The following KLF7 variants were observed in gnomAD, a reference collection of about 807,000 sequenced individuals.
KLF7 encodes Krueppel-like factor 7.
KLF7 carries 2 observed loss-of-function variants against 27.3 expected under a neutral mutation model. That is an observed-to-expected ratio of 0.07 (90% CI 0.03 to 0.23). KLF7 has a LOEUF of 0.23. Among genes scored for constraint, KLF7 ranks in the 10% least tolerant of loss-of-function variants. The pLI, the probability that KLF7 is intolerant of heterozygous loss-of-function variation, is 1.00. For synonymous variants in KLF7, 165 were observed against 162.4 expected (o/e 1.02, Z -0.12); for missense variants, 221 against 394.1 (o/e 0.56, Z 3.72).
chr2:207,147,649 G>A (rs1343071898), intron 1 of KLF7, among the ~76,000 whole-genome samples: 2 of 152,088 alleles, frequency 1.3e-5, no homozygotes, highest in African/African-American at 4.8e-5. Flanking sequence ...GCCCCATAAA[G>A]GTTTCACCCC....
At position 207,075,651 on chromosome 2, in the gene KLF7, A is replaced by G. The variant is rs1185814418; in HGVS notation, c.*5562T>C. ...GGCTGGGAAGTTGTGTGGGAGTAGG[A>G]AGTGGGAGAAGGAGCTTGACGCGGG... is the stretch of plus-strand genomic sequence containing the variant. On this transcript the variant is annotated 3_prime_UTR_variant, in exon 4 of 4. Transcript: ENST00000309446. The G allele has an allele frequency of 6.6e-6, 1 of 152,056 alleles. No homozygotes were observed. The highest frequency in any genetic ancestry group is 6.6e-5 in the Admixed American group (1 of 15,262). 9.4% of individuals were successfully genotyped at this position (152,056 alleles called of 1,614,324 possible).
chr2:207,163,806 GA>G (rs2078618153), intron 1 of KLF7, among the ~76,000 whole-genome samples: 1 of 152,208 alleles, frequency 6.6e-6, no homozygotes, highest in Non-Finnish European at 1.5e-5. Context: ...CCAGTGGGCT[GA>G]CAGTGTGAAA....
intron 1 of KLF7, among the ~76,000 whole-genome samples, chr2:207,164,659 G>A (rs2078649113): frequency 6.6e-6 from 1 of 152,188 alleles, no homozygotes; most frequent in African/African-American, 2.4e-5. Context: ...GTGCCCTTCA[G>A]CATCCTGGGA....
At chr2:207,095,308 A>T (rs1024586417) in intron 2 of KLF7, among the ~76,000 whole-genome samples, 5 of 152,108 alleles carry the variant, frequency 3.3e-5, no homozygotes. Context: ...TCGGCCTCCC[A>T]AAGTGCTGGG....
intron 1 of KLF7, among the ~76,000 whole-genome samples, chr2:207,139,489 G>A (rs964072473): frequency 1.5e-5 from 2 of 136,648 alleles, no homozygotes; most frequent in African/African-American, 5.7e-5. Context: ...CTAACAATTA[G>A]GTTTTTTTTT....
rs1382565593 is a variant in KLF7 at position 207,078,188 on chromosome 2, T to C, written c.*3025A>G. The C allele has an allele frequency of 6.6e-6, 1 of 152,202 alleles. No individual in the cohort carries two copies. The highest frequency in any genetic ancestry group is 1.5e-5 in the Non-Finnish European group (1 of 68,052). The allele number at this position is 152,202 out of a possible 1,614,324, so 9.4% of individuals were successfully genotyped here. A position where few individuals can be genotyped will look rare whatever the true frequency, so the allele number is the denominator to read the frequency against. On this transcript the variant is annotated 3_prime_UTR_variant, in exon 4 of 4. Transcript: ENST00000309446. Reference sequence around the variant, plus strand: ...GTCAACTCGGCTAAAGAAGAACAGTTTCAAAGCCATCCACTTAGCACCCAC... The same window carrying C: ...GTCAACTCGGCTAAAGAAGAACAGTCTCAAAGCCATCCACTTAGCACCCAC...
At chr2:207,084,608 C>T (rs1397078569) in intron 3 of KLF7, among the ~76,000 whole-genome samples, 1 of 152,036 alleles carries the variant, frequency 6.6e-6, no homozygotes, top group Non-Finnish European at 1.5e-5. Context: ...AAATTCAATA[C>T]CCCAGCAAGG....
chr2:207,100,539 A>G (rs3791988), intron 2 of KLF7, among the ~76,000 whole-genome samples: 28,282 of 151,930 alleles, frequency 0.19, 3,103 homozygotes, highest in East Asian at 0.32. Flanking sequence ...TTTCTACCTT[A>G]TCACCCATCA....
At chr2:207,082,676 T>C (rs558835087) in intron 3 of KLF7, among the ~76,000 whole-genome samples, 1 of 152,282 alleles carries the variant, frequency 6.6e-6, no homozygotes, top group South Asian at 2.1e-4. Context: ...CGCCTGAAAC[T>C]AGCTGCTTTC....
intron 2 of KLF7, among the ~76,000 whole-genome samples, chr2:207,097,943 G>A (rs1574443599): frequency 6.6e-6 from 1 of 151,964 alleles, no homozygotes; most frequent in Admixed American, 6.6e-5. Flanking sequence ...CCACCACCCC[G>A]ACACAAGGCA....
rs369207837 is a variant in KLF7 at position 207,123,646 on chromosome 2, C to G, written c.733+128G>C. On this transcript the variant is annotated intron_variant, in intron 2 of 3. Coordinates refer to ENST00000309446, the MANE Select transcript of KLF7 (RefSeq NM_003709.4). ...AGTCATTCTTTGTCCCTACCTGGGG[C>G]CTCCCGCCTGTCTATCACCTCCTCA... The G allele has an allele frequency of 1.4e-5, 14 of 978,350 alleles. No individual in the cohort carries two copies. In the South Asian group the frequency reaches 2.3e-4, roughly 16 times the overall value. 60.6% of individuals were successfully genotyped at this position (978,350 alleles called of 1,614,324 possible).
chr2:207,113,172 T>A (rs1048528520), intron 2 of KLF7, among the ~76,000 whole-genome samples: 2 of 152,236 alleles, frequency 1.3e-5, no homozygotes, highest in Admixed American at 1.3e-4. Flanking sequence ...GCTGTCTTGT[T>A]ATAAAGTATT....
At position 207,165,761 on chromosome 2, in the gene KLF7, G is replaced by C; in HGVS notation, c.-193C>G. On this transcript the variant is annotated 5_prime_UTR_variant, in exon 1 of 4. Transcript: ENST00000309446. ...GAGAGGGAGAGAGGAGGTGAGAGAGGAGCGAGTGAGTGGGGTGGATGGAGA... is the reference window on the plus strand; with the variant it reads ...GAGAGGGAGAGAGGAGGTGAGAGAGCAGCGAGTGAGTGGGGTGGATGGAGA... 7.0e-7 allele frequency: 1 copy of C among 1,436,672 alleles called. No individual in the cohort carries two copies. The highest frequency in any genetic ancestry group is 9.1e-7 in the Non-Finnish European group (1 of 1,101,190). 89.0% of individuals were successfully genotyped at this position (1,436,672 alleles called of 1,614,324 possible).
At chr2:207,081,452 T>C (rs1044628730) in intron 3 of KLF7, among the ~76,000 whole-genome samples, 188 bp from the exon 4 acceptor site, 6 of 152,222 alleles carry the variant, frequency 3.9e-5, no homozygotes. Context: ...TCTCTTCCAA[T>C]AGCTGTGTGA....
intron 1 of KLF7, chr2:207,134,154 A>ATT (rs35538720): frequency 0.047 from 51,796 of 1,112,292 alleles, 573 homozygotes; most frequent in African/African-American, 0.13. Flanking sequence ...GGCTACTGGG[A>ATT]TTTTTTTTTT....
intron 1 of KLF7, among the ~76,000 whole-genome samples, chr2:207,130,570 G>GA: frequency 6.6e-6 from 1 of 152,274 alleles, no homozygotes; most frequent in African/African-American, 2.4e-5. Context: ...AGAACTTTCT[G>GA]AAAAAATGAG....
intron 2 of KLF7, among the ~76,000 whole-genome samples, chr2:207,103,888 A>C (rs2076822444): frequency 1.3e-5 from 2 of 152,228 alleles, no homozygotes; most frequent in Admixed American, 1.3e-4. Context: ...ATTTTATCCC[A>C]AAATCCTTCT....
rs1461459901 is a variant in KLF7, at chr2:207,077,714, GC to G, written c.*3498del. The G allele has an allele frequency of 2.6e-5, 4 of 152,070 alleles. No homozygotes were observed. The highest frequency in any genetic ancestry group is 9.7e-5 in the African/African-American group (4 of 41,396). The allele number at this position is 152,070 out of a possible 1,614,324, so 9.4% of individuals were successfully genotyped here. A position where few individuals can be genotyped will look rare whatever the true frequency, so the allele number is the denominator to read the frequency against. ...TGGGGCAGGAGGCCAGTAGCTAGGA[GC>G]AGCATTATAATTTCAGGTTTCCATG... is the stretch of plus-strand genomic sequence containing the variant. On this transcript the variant is annotated 3_prime_UTR_variant, in exon 4 of 4. Coordinates refer to ENST00000309446, the MANE Select transcript of KLF7 (RefSeq NM_003709.4).
chr2:207,121,264 C>T (rs1559138381), intron 2 of KLF7, among the ~76,000 whole-genome samples: 1 of 152,194 alleles, frequency 6.6e-6, no homozygotes, highest in Non-Finnish European at 1.5e-5. Context: ...AAGCTTCTTG[C>T]TGTTTTGTGG....
Sources: allele counts gnomAD v4.1 joint callset (sites outside exome capture counted in the v4.1 genomes callset), GRCh38; gene constraint gnomAD v4.1.1; transcripts MANE v1.5; gene names NCBI Gene and HGNC (gene_info 2026-07-23, HGNC 2026-07-21).